CD22: variants seen among roughly 807,000 people sequenced by gnomAD.
CD22 encodes CD22 molecule.
A neutral mutation model predicts 94.7 loss-of-function variants in CD22; 51 were observed. The observed-to-expected ratio is 0.54, with a 90% CI of 0.43 to 0.68. The LOEUF is 0.68. Ranked by LOEUF, CD22 falls within the 30% of genes least tolerant of loss-of-function variation. The pLI is 0.00. For missense variants in CD22, 931 were observed against 1,060.4 expected, an observed-to-expected ratio of 0.88 and a Z score of 1.69; for synonymous variants, 424 against 422.5, an observed-to-expected ratio of 1.00 and a Z score of -0.04.
rs775140235 is a variant in CD22, at chr19:35,341,487, G to A, written c.1652G>A (p.Gly551Glu). The A allele has an allele frequency of 4.3e-6, 7 of 1,614,038 alleles. No homozygotes were observed. The African/African-American group carries it at 8.0e-5, about 18-fold the overall frequency. ...FFWEKNGRLL[G>E]KESQLNFDSI... ...TGGGAGAAAAATGGCAGGCTTCTGG[G>A]GAAAGAAAGCCAGCTGAATTTTGAC... Residue 551 changes from glycine to glutamate, a missense_variant, in exon 8 of 14, where the codon GGG becomes GAG. Coordinates refer to ENST00000085219, the MANE Select transcript of CD22 (RefSeq NM_001771.4). The surrounding 1 kb of genome is among the most constrained non-coding windows in gnomAD (Gnocchi z 4.0).
intron 1 of CD22, 180 bp downstream of exon 1, chr19:35,329,410 T>G: frequency 7.6e-6 from 3 of 392,948 alleles, no homozygotes; most frequent in Non-Finnish European, 1.5e-5. Flanking sequence ...TTGCCAGGCC[T>G]GCTGAGTCTT....
chr19:35,347,196 T>A lies in CD22; in HGVS notation c.*499T>A, dbSNP rs541593935. On this transcript the variant is annotated 3_prime_UTR_variant, in exon 14 of 14. Coordinates refer to ENST00000085219, the MANE Select transcript of CD22 (RefSeq NM_001771.4). Reference sequence around the variant, plus strand: ...AACGAAGTAGAAAGGGGCCCAGTCCTGGCCTGGCTTCTCCTTTGGAAGTGA... The same window carrying A: ...AACGAAGTAGAAAGGGGCCCAGTCCAGGCCTGGCTTCTCCTTTGGAAGTGA... 6.4e-6 allele frequency: 1 copy of A among 155,088 alleles called. No individual in the cohort carries two copies. Among genetic ancestry groups the A allele is most frequent in the South Asian group, 1.9e-4 (1 of 5,308 alleles). 9.6% of individuals were successfully genotyped at this position (155,088 alleles called of 1,614,324 possible). A position where few individuals can be genotyped will look rare whatever the true frequency, so the allele number is the denominator to read the frequency against.
Position 35,338,449 on chromosome 19 carries a change from C to T in CD22, c.1249+18C>T. The T allele has an allele frequency of 6.2e-7, 1 of 1,605,404 alleles. No individual in the cohort carries two copies. Among genetic ancestry groups the T allele is most frequent in the Non-Finnish European group, 8.5e-7 (1 of 1,174,706 alleles). On this transcript the variant is annotated intron_variant, in intron 6 of 13. Coordinates refer to ENST00000085219, the MANE Select transcript of CD22 (RefSeq NM_001771.4). The stretch of plus-strand genomic sequence containing the variant: ...TGTCCAGTGTGAGTAGCCACGGAGC[C>T]TCTGGTTCTAGGGAGAGAAGATGGA...
In CD22 at chr19:35,338,310, G is replaced by T. The variant is rs1339133245; in HGVS notation, c.1128G>T (p.Arg376Ser). Residue 376 changes from arginine (R) to serine (S), a missense_variant, in exon 6 of 14, where the codon AGG (arginine) becomes AGT (serine). Transcript: ENST00000085219. ...ACAATGGGAAAGAAATGCAGGGAAG[G>T]ACAGAGGAGAAAGTCCACATCCCAA... Reference protein sequence around the residue: ...WYHNGKEMQGRTEEKVHIPKI... With the variant: ...WYHNGKEMQGSTEEKVHIPKI... 3.1e-6 allele frequency: 5 copies of T among 1,614,122 alleles called. No homozygotes were observed. In the Admixed American group the frequency reaches 5.0e-5, roughly 16 times the overall value.
Position 35,346,915 on chromosome 19 carries a change from C to A in CD22, c.*218C>A, listed in dbSNP as rs1207000108. On this transcript the variant is annotated 3_prime_UTR_variant, in exon 14 of 14. Coordinates refer to ENST00000085219, the MANE Select transcript of CD22 (RefSeq NM_001771.4). ...AACCCCAAACCTCCAAAACTCCTGCCCCTGTTCTCTTCCACTCTCCTTGCT... is the reference window on the plus strand; with the variant it reads ...AACCCCAAACCTCCAAAACTCCTGCACCTGTTCTCTTCCACTCTCCTTGCT... 3.8e-6 allele frequency: 2 copies of A among 524,458 alleles called. No individual in the cohort carries two copies. Among genetic ancestry groups the A allele is most frequent in the Non-Finnish European group, 6.7e-6 (2 of 299,788 alleles). The allele number at this position is 524,458 out of a possible 1,614,324, so 32.5% of individuals were successfully genotyped here.
chr19:35,333,545 T>C (rs1336826704), intron 3 of CD22, among the ~76,000 whole-genome samples: 1 of 152,128 alleles, frequency 6.6e-6, no homozygotes, highest in South Asian at 2.1e-4. Context: ...CCTCTTCTTT[T>C]CCCCTTCCCC....
In CD22 at chr19:35,338,168, A is replaced by T; in HGVS notation, c.986A>T (p.Tyr329Phe). 1 of 1,607,076 alleles carries T rather than the reference A, an allele frequency of 6.2e-7. No homozygotes were observed. The highest frequency in any genetic ancestry group is 8.5e-7 in the Non-Finnish European group (1 of 1,175,388). The change falls in exon 6 of 14, where the codon TAT (tyrosine) becomes TTT (phenylalanine). Residue 329 changes from tyrosine to phenylalanine, a missense_variant and splice_region_variant. Coordinates refer to ENST00000085219, the MANE Select transcript of CD22 (RefSeq NM_001771.4). ...RSEEVFLQVQ[Y>F]APEPSTVQIL... ...CACTCGCCTCTGCCCCCTCTTCCAG[A>T]TGCCCCGGAACCTTCCACGGTTCAG... is the stretch of plus-strand genomic sequence containing the variant.
intron 9 of CD22, among the ~76,000 whole-genome samples, chr19:35,343,423 G>A (rs751726540): frequency 3.3e-5 from 5 of 152,120 alleles, no homozygotes; most frequent in Non-Finnish European, 7.4e-5. Context: ...TCCTCCAGGG[G>A]TATTTTTCAC....
In CD22 at chr19:35,340,890, A is replaced by G. The variant is rs764634857; in HGVS notation, c.1259A>G (p.Lys420Arg). ...GAELDVQYPPKKVTTVIQNPM... is the reference protein window; with the variant it reads ...GAELDVQYPPRKVTTVIQNPM... The stretch of plus-strand genomic sequence containing the variant: ...TCTGGTTTTCTTCCAGATCCTCCCA[A>G]GAAGGTGACCACAGTGATTCAAAAC... Residue 420 changes from lysine to arginine, a missense_variant, in exon 7 of 14, where the codon AAG (lysine) becomes AGG (arginine). Transcript: ENST00000085219. 6.2e-7 allele frequency: 1 copy of G among 1,614,162 alleles called. No individual in the cohort carries two copies. Among genetic ancestry groups the G allele is most frequent in the Non-Finnish European group, 8.5e-7 (1 of 1,180,014 alleles).
In CD22 at chr19:35,337,696, C is replaced by T; in HGVS notation, c.719-59C>T. The T allele has an allele frequency of 2.0e-6, 3 of 1,469,350 alleles. No individual in the cohort carries two copies. The highest frequency in any genetic ancestry group is 2.8e-6 in the Non-Finnish European group (3 of 1,079,132). The allele number at this position is 1,469,350 out of a possible 1,614,324, so 91.0% of individuals were successfully genotyped here. ...TTTGTCAGAATAAAAGCACTTTCCA[C>T]ACCCTCCACCCTCTGAGGATTCCCC... On this transcript the variant is annotated intron_variant, in intron 4 of 13. Coordinates refer to ENST00000085219, the MANE Select transcript of CD22 (RefSeq NM_001771.4). The surrounding 1 kb of genome is among the most constrained non-coding windows in gnomAD (Gnocchi z 4.4).
At position 35,329,196 on chromosome 19, in the gene CD22, C is replaced by G; in HGVS notation, c.-57C>G. 7.8e-7 allele frequency: 1 copy of G among 1,289,618 alleles called. No homozygotes were observed. Among genetic ancestry groups the G allele is most frequent in the Non-Finnish European group, 1.0e-6 (1 of 988,706 alleles). 79.9% of individuals were successfully genotyped at this position (1,289,618 alleles called of 1,614,324 possible). ...TTCTCCTTTTGCTCTCAGATGCTGC[C>G]AGGGTCCCTGAAGAGGGAAGACACG... On this transcript the variant is annotated 5_prime_UTR_variant, in exon 1 of 14. Coordinates refer to ENST00000085219, the MANE Select transcript of CD22 (RefSeq NM_001771.4).
At chr19:35,339,682 C>A (rs536257003) in intron 6 of CD22, among the ~76,000 whole-genome samples, 1 of 152,122 alleles carries the variant, frequency 6.6e-6, no homozygotes, top group Admixed American at 6.5e-5. Flanking sequence ...ATGGCGAAAC[C>A]CTGTCTCTAC....
rs776161365 is a variant in CD22, at chr19:35,341,315, A to G, written c.1508-28A>G. ...ACAGCAAAAGGGACAGGGAGCGGAG[A>G]GGTCAGCTTGGGACCCTTGCCCTCC... On this transcript the variant is annotated intron_variant, in intron 7 of 13. Coordinates refer to ENST00000085219, the MANE Select transcript of CD22 (RefSeq NM_001771.4). This position sits in a 1 kb window ranked among gnomAD's most constrained non-coding sequence, Gnocchi z 4.0. 1.4e-5 allele frequency: 23 copies of G among 1,608,600 alleles called. No homozygotes were observed. The highest frequency in any genetic ancestry group is 1.9e-5 in the Non-Finnish European group (22 of 1,176,436).
At chr19:35,342,191 A>T (rs116699460) in intron 9 of CD22, among the ~76,000 whole-genome samples, 3,317 of 149,988 alleles carry the variant, frequency 0.022, 107 homozygotes, top group East Asian at 0.099. Flanking sequence ...TCTTATAGAG[A>T]CAAGGTCTTA....
At chr19:35,333,033 A>G in intron 3 of CD22, 109 bp downstream of exon 3, 1 of 1,209,734 alleles carries the variant, frequency 8.3e-7, no homozygotes, top group South Asian at 1.5e-5. Flanking sequence ...TGCAGAGCTC[A>G]GGCAGGGGAC....
chr19:35,338,548 G>T, intron 6 of CD22, 117 bp downstream of exon 6: 1 of 1,077,896 alleles, frequency 9.3e-7, no homozygotes, highest in Non-Finnish European at 1.3e-6. Flanking sequence ...GAGCAGCCAG[G>T]GTCTCCTGTT....
intron 12 of CD22, 29 bp downstream of exon 12, chr19:35,345,749 G>C (rs757306859): frequency 6.9e-6 from 10 of 1,454,652 alleles, no homozygotes; most frequent in Non-Finnish European, 8.7e-6. Flanking sequence ...GGGTGACCCT[G>C]CACCCTGGGA....
chr19:35,338,207 C>A lies in CD22; in HGVS notation c.1025C>A (p.Pro342Gln), dbSNP rs147300619. 1.9e-6 allele frequency: 3 copies of A among 1,613,856 alleles called. No individual in the cohort carries two copies. The highest frequency in any genetic ancestry group is 2.5e-6 in the Non-Finnish European group (3 of 1,179,880). The change falls in exon 6 of 14, where the codon CCG becomes CAG. Residue 342 changes from proline to glutamine, a missense_variant. Pro to Gln is a moderately conservative substitution (Grantham distance 76, BLOSUM62 -1). Coordinates refer to ENST00000085219, the MANE Select transcript of CD22 (RefSeq NM_001771.4). ...EPSTVQILHS[P>Q]AVEGSQVEFL... ...TCCACGGTTCAGATCCTCCACTCAC[C>A]GGCTGTGGAGGGAAGTCAAGTCGAG...
chr19:35,329,319 G>A (rs2066614437), intron 1 of CD22, 89 bp downstream of exon 1: 1 of 821,702 alleles, frequency 1.2e-6, no homozygotes, highest in Non-Finnish European at 1.8e-6. Flanking sequence ...CCAGAGCTGG[G>A]AACACAGTGG....
Sources: gnomAD v4.1 joint callset for allele counts (sites outside exome capture counted in the v4.1 genomes callset) on GRCh38, gnomAD v4.1.1 for gene constraint, Gnocchi (gnomAD v3.1) non-coding constraint, MANE v1.5 for transcripts, NCBI Gene and HGNC (gene_info 2026-07-23, HGNC 2026-07-21) for gene names.